Variants in ANKRD44 observed in about 807,000 individuals in gnomAD.
ANKRD44 encodes ankyrin repeat domain 44, also known as serine/threonine-protein phosphatase 6 regulatory ankyrin repeat subunit B.
In ANKRD44, 35 loss-of-function variants were observed where a neutral mutation model predicts 116.0. The ratio of observed to expected loss-of-function variants is 0.30; its 90% CI spans 0.23 to 0.40. The LOEUF is 0.40. ANKRD44 is among the 10% of genes least tolerant of loss of function. ANKRD44 has a pLI of 1.00. For synonymous variants in ANKRD44, 435 were observed against 461.8 expected (o/e 0.94, Z 0.74); for missense variants, 1,014 against 1,242.6 (o/e 0.82, Z 2.77).
At chr2:196,995,304 C>G (rs536587234) in intron 26 of ANKRD44, 75 bp downstream of exon 26, 3 of 1,071,754 alleles carry the variant, frequency 2.8e-6, no homozygotes, top group East Asian at 2.4e-5. Context: ...GTCTGGCACA[C>G]AGCAGGCTCT....
chr2:197,057,879 T>C (rs1015333353), intron 16 of ANKRD44, among the ~76,000 whole-genome samples: 2 of 152,112 alleles, frequency 1.3e-5, no homozygotes, highest in East Asian at 1.9e-4. Context: ...AAAATAAAAA[T>C]TAAGAAATTA....
chr2:197,114,032 A>C (rs983125406), intron 8 of ANKRD44, among the ~76,000 whole-genome samples: 2 of 152,212 alleles, frequency 1.3e-5, no homozygotes, highest in Non-Finnish European at 2.9e-5. Flanking sequence ...AAACCAATGA[A>C]ACTCAAAAGG....
At chr2:197,306,873 G>A (rs986015914) in intron 1 of ANKRD44, among the ~76,000 whole-genome samples, 4 of 152,076 alleles carry the variant, frequency 2.6e-5, no homozygotes, top group African/African-American at 9.7e-5. Context: ...CTCCAAAAAG[G>A]CCACCTGCTG....
chr2:197,231,145 G>A (rs933645533), intron 1 of ANKRD44, among the ~76,000 whole-genome samples: 3 of 152,172 alleles, frequency 2.0e-5, no homozygotes, highest in African/African-American at 7.2e-5. Context: ...TCTGAGGGCT[G>A]GGCGTGATGG....
intron 14 of ANKRD44, among the ~76,000 whole-genome samples, chr2:197,082,432 A>G (rs1233394456): frequency 6.6e-6 from 1 of 152,224 alleles, no homozygotes; most frequent in Non-Finnish European, 1.5e-5. Flanking sequence ...AATCGACTTA[A>G]TGGGTTGTAG....
intron 1 of ANKRD44, among the ~76,000 whole-genome samples, chr2:197,247,268 C>A (rs1478254922): frequency 6.6e-6 from 1 of 152,182 alleles, no homozygotes; most frequent in Non-Finnish European, 1.5e-5. Context: ...TTCATCTGCT[C>A]ACTGTCAGTA....
At chr2:197,248,574 G>GTATATATATATATATATATATA (rs1237255982) in intron 1 of ANKRD44, among the ~76,000 whole-genome samples, 8 of 118,788 alleles carry the variant, frequency 6.7e-5, no homozygotes, top group African/African-American at 1.7e-4. Flanking sequence ...GTGTGTGTGT[G>GTATATATATATATATATATATA]TGTGTATATA....
chr2:197,086,800 T>C (rs757687098), intron 12 of ANKRD44, 52 bp from the exon 13 acceptor site: 8 of 1,507,296 alleles, frequency 5.3e-6, no homozygotes, highest in Admixed American at 5.0e-5. Context: ...ATTACTGGCC[T>C]ATCTTCAGCA....
chr2:196,987,911 T>G lies in ANKRD44; in HGVS notation c.*1680A>C, dbSNP rs1379450347. The G allele has an allele frequency of 2.0e-6, 2 of 982,814 alleles. No homozygotes were observed. Among genetic ancestry groups the G allele is most frequent in the African/African-American group, 3.5e-5 (2 of 57,104 alleles). The allele number at this position is 982,814 out of a possible 1,614,324, so 60.9% of individuals were successfully genotyped here. The stretch of plus-strand genomic sequence containing the variant: ...AAGAGATGTAATTAAAATACAGAAA[T>G]GATAGTTTTTAAAGTCATTTCTTTA... On this transcript the variant is annotated 3_prime_UTR_variant, in exon 28 of 28. Coordinates refer to ENST00000282272, the MANE Select transcript of ANKRD44 (RefSeq NM_001195144.2).
intron 10 of ANKRD44, among the ~76,000 whole-genome samples, chr2:197,093,519 A>G (rs73049700): frequency 0.017 from 2,573 of 152,326 alleles, 26 homozygotes; most frequent in African/African-American, 0.029. Context: ...TCCACAGTGA[A>G]TAAAAAGTTA....
At chr2:196,968,019 C>T (rs542544320) in intron 21 of ANKRD44, among the ~76,000 whole-genome samples, 2 of 152,146 alleles carry the variant, frequency 1.3e-5, no homozygotes, top group South Asian at 2.1e-4. Flanking sequence ...CCTGAGGCTT[C>T]CCTAGAAGCT....
In ANKRD44 at chr2:197,094,367, T is replaced by A. The variant is rs543061332; in HGVS notation, c.1101-4335A>T. On this transcript the variant is annotated intron_variant, in intron 10 of 27. Transcript: ENST00000282272. ...GAGCAACTGTAAGGACCCATTGAGA[T>A]AATGTTCATGTAGTGCTAAAATGGA... 2.6e-5 allele frequency among the ~76,000 whole-genome samples: 4 copies of A among 152,356 alleles called. No individual in the cohort carries two copies. The South Asian group carries it at 8.3e-4, about 32-fold the overall frequency.
chr2:196,968,733 C>CTTAA (rs1226400537), intron 21 of ANKRD44, among the ~76,000 whole-genome samples: 1 of 152,192 alleles, frequency 6.6e-6, no homozygotes, highest in Non-Finnish European at 1.5e-5. Context: ...TTGTTCTACT[C>CTTAA]TTAAGCCTTT....
intron 8 of ANKRD44, among the ~76,000 whole-genome samples, chr2:197,114,930 TCA>T (rs2078672864): frequency 2.6e-5 from 4 of 152,224 alleles, no homozygotes; most frequent in African/African-American, 9.6e-5. Flanking sequence ...GTTGGCTCAC[TCA>T]TTCCTCTCCT....
At chr2:197,295,568 A>C (rs1309256071) in intron 1 of ANKRD44, among the ~76,000 whole-genome samples, 1 of 152,214 alleles carries the variant, frequency 6.6e-6, no homozygotes, top group Admixed American at 6.5e-5. Context: ...TGTGGATAGT[A>C]GTCTGCAACC....
At chr2:197,015,992 G>A (rs1422557002) in intron 17 of ANKRD44, 6 of 540,228 alleles carry the variant, frequency 1.1e-5, no homozygotes, top group African/African-American at 9.5e-5. Context: ...TGGAAGTGGT[G>A]GATATGGTAG....
At chr2:197,198,271 T>A (rs746582974) in intron 1 of ANKRD44, among the ~76,000 whole-genome samples, 34 of 152,134 alleles carry the variant, frequency 2.2e-4, no homozygotes, top group Non-Finnish European at 4.6e-4. Flanking sequence ...AGCTCTCTTC[T>A]GTGGAACTGG....
chr2:197,065,769 C>CCAA, intron 16 of ANKRD44, among the ~76,000 whole-genome samples: 1 of 146,640 alleles, frequency 6.8e-6, no homozygotes, highest in Admixed American at 6.8e-5. Flanking sequence ...GAATCCATGA[C>CCAA]TGAACTCTGA....
chr2:197,240,909 C>T (rs1559177323), intron 1 of ANKRD44, among the ~76,000 whole-genome samples: 1 of 151,600 alleles, frequency 6.6e-6, no homozygotes, highest in South Asian at 2.1e-4. Context: ...TGATCAAAGG[C>T]CTCTCCATCA....
Sources: allele counts gnomAD v4.1 joint callset (sites outside exome capture counted in the v4.1 genomes callset), GRCh38; gene constraint gnomAD v4.1.1; transcripts MANE v1.5; gene names NCBI Gene and HGNC (gene_info 2026-07-23, HGNC 2026-07-21).